The following SH3PXD2A variants were observed in gnomAD, a reference collection of about 807,000 sequenced individuals.
SH3PXD2A encodes SH3 and PX domain-containing protein 2A.
Under a neutral mutation model 115.2 loss-of-function variants are expected in SH3PXD2A, and 32 were observed. That is an observed-to-expected ratio of 0.28 (90% CI 0.21 to 0.37). SH3PXD2A has a LOEUF of 0.37. Among genes scored for constraint, SH3PXD2A ranks in the 10% least tolerant of loss-of-function variants. The pLI, the probability that SH3PXD2A is intolerant of heterozygous loss-of-function variation, is 1.00. For synonymous variants in SH3PXD2A, 610 were observed against 629.1 expected (o/e 0.97, Z 0.45); for missense variants, 1,328 against 1,498.7 (o/e 0.89, Z 1.88).
intron 1 of SH3PXD2A, among the ~76,000 whole-genome samples, chr10:103,805,938 C>G (rs114402583): frequency 0.032 from 4,922 of 152,296 alleles, 268 homozygotes; most frequent in African/African-American, 0.11. Flanking sequence ...AAAGATACAC[C>G]CCGCTGGAGA....
intron 1 of SH3PXD2A, among the ~76,000 whole-genome samples, chr10:103,846,079 C>T (rs2134324002): frequency 6.6e-6 from 1 of 152,362 alleles, no homozygotes; most frequent in East Asian, 1.9e-4. Context: ...GTCCCACCCG[C>T]CCCACTGCAT....
chr10:103,652,422 C>G (rs2037140796), intron 8 of SH3PXD2A, among the ~76,000 whole-genome samples: 1 of 152,100 alleles, frequency 6.6e-6, no homozygotes, highest in Admixed American at 6.6e-5. Context: ...ACTGGAAACC[C>G]AGAGGATGAG....
intron 1 of SH3PXD2A, among the ~76,000 whole-genome samples, chr10:103,803,849 C>T (rs956524582): frequency 7.9e-5 from 12 of 152,176 alleles, no homozygotes; most frequent in African/African-American, 2.7e-4. Flanking sequence ...TGGGGTACAG[C>T]CTGCGTTATA....
At chr10:103,766,958 T>C (rs1351701574) in intron 3 of SH3PXD2A, 136 bp downstream of exon 3, 1 of 647,410 alleles carries the variant, frequency 1.5e-6, no homozygotes, top group Non-Finnish European at 2.7e-6. Flanking sequence ...CCAAATCCCC[T>C]GGGGGAATTG....
chr10:103,683,954 A>G (rs1181275342), intron 6 of SH3PXD2A, among the ~76,000 whole-genome samples: 2 of 152,210 alleles, frequency 1.3e-5, no homozygotes, highest in Non-Finnish European at 1.5e-5. Flanking sequence ...GGAGCCAACA[A>G]ACTATTAAGA....
intron 2 of SH3PXD2A, among the ~76,000 whole-genome samples, chr10:103,774,855 G>A (rs1208724035): frequency 6.6e-6 from 1 of 152,186 alleles, no homozygotes; most frequent in African/African-American, 2.4e-5. Flanking sequence ...TTTGATTAGG[G>A]TGAGTTTACA....
chr10:103,672,396 C>A (rs558233509), intron 6 of SH3PXD2A, among the ~76,000 whole-genome samples: 13 of 152,358 alleles, frequency 8.5e-5, no homozygotes, highest in African/African-American at 2.6e-4. Context: ...ACGTTCTAGA[C>A]CTTCCCAGCA....
intron 14 of SH3PXD2A, among the ~76,000 whole-genome samples, chr10:103,605,019 G>A (rs1228470045): frequency 6.6e-6 from 1 of 152,218 alleles, no homozygotes. Context: ...AAGCCACTCA[G>A]AGAATTGACT....
At chr10:103,814,186 C>CA (rs1412898292) in intron 1 of SH3PXD2A, among the ~76,000 whole-genome samples, 1 of 152,092 alleles carries the variant, frequency 6.6e-6, no homozygotes, top group Non-Finnish European at 1.5e-5. Flanking sequence ...GTGGGGAAAG[C>CA]AAACAAGGAG....
intron 11 of SH3PXD2A, among the ~76,000 whole-genome samples, chr10:103,615,396 G>C (rs2036496649): frequency 1.3e-5 from 2 of 152,162 alleles, no homozygotes; most frequent in South Asian, 2.1e-4. Context: ...TCTGGGTCCA[G>C]CTCTGCTCAC....
intron 6 of SH3PXD2A, among the ~76,000 whole-genome samples, chr10:103,692,326 T>C (rs1018538391): frequency 1.4e-5 from 2 of 145,302 alleles, no homozygotes; most frequent in African/African-American, 5.0e-5. Context: ...CCTCTCTCCC[T>C]GCCTCCACCC....
chr10:103,686,131 C>G (rs1160317120), intron 6 of SH3PXD2A, among the ~76,000 whole-genome samples: 1 of 152,154 alleles, frequency 6.6e-6, no homozygotes, highest in African/African-American at 2.4e-5. Flanking sequence ...GGGCTGAGCT[C>G]ACCACTTTTC....
rs529286262 is a variant in SH3PXD2A, at chr10:103,792,095, G to T, written c.153+9187C>A. Reference sequence around the variant, plus strand: ...TCCCAGGTGGAGCGGAGCCAGCCAGGGAATCCCCAAGAGCCGATGGAAGCC... The same window carrying T: ...TCCCAGGTGGAGCGGAGCCAGCCAGTGAATCCCCAAGAGCCGATGGAAGCC... On this transcript the variant is annotated intron_variant, in intron 2 of 14. Transcript: ENST00000369774. Among the ~76,000 whole-genome samples, 23 of 152,284 alleles carry T rather than the reference G, an allele frequency of 1.5e-4. 1 individual carries two copies. The South Asian group carries it at 4.6e-3, about 30-fold the overall frequency.
intron 1 of SH3PXD2A, among the ~76,000 whole-genome samples, chr10:103,816,082 C>T (rs1371502087): frequency 6.6e-6 from 1 of 151,980 alleles, no homozygotes; most frequent in Non-Finnish European, 1.5e-5. Context: ...AAGGTACAGC[C>T]TGAGGACTAC....
chr10:103,622,492 C>A lies in SH3PXD2A; in HGVS notation c.780G>T (p.Met260Ile). The change falls in exon 10 of 15, where the codon ATG becomes ATT. Residue 260 changes from methionine to isoleucine, a missense_variant. By Grantham distance (10) the Met-to-Ile change is conservative (BLOSUM62 1). This residue lies in a region of SH3PXD2A where 509 missense variants were observed against 628.3 expected (regional missense o/e 0.81). Transcript: ENST00000369774. ...RLDRRWTLGG[M>I]VNRQHSREEK... Reference sequence around the variant, plus strand: ...CACCTCGGCTGTGCTGCCTGTTGACCATCCCGCCCAGGGTCCACCGGCGAT... The same window carrying A: ...CACCTCGGCTGTGCTGCCTGTTGACAATCCCGCCCAGGGTCCACCGGCGAT... The A allele has an allele frequency of 2.6e-6, 4 of 1,550,190 alleles. No homozygotes were observed. Among genetic ancestry groups the A allele is most frequent in the Non-Finnish European group, 3.5e-6 (4 of 1,146,808 alleles).
intron 2 of SH3PXD2A, among the ~76,000 whole-genome samples, chr10:103,783,379 G>A (rs2038950812): frequency 6.6e-6 from 1 of 152,186 alleles, no homozygotes; most frequent in Admixed American, 6.5e-5. Context: ...CAGGTGACAG[G>A]TTGATGCGGG....
intron 8 of SH3PXD2A, among the ~76,000 whole-genome samples, chr10:103,643,271 C>A (rs993909302): frequency 2.0e-5 from 3 of 152,138 alleles, no homozygotes; most frequent in Non-Finnish European, 2.9e-5. Flanking sequence ...ACCCTAGGTG[C>A]CTAAGAGACA....
chr10:103,828,186 C>A (rs140839420), intron 1 of SH3PXD2A, among the ~76,000 whole-genome samples: 2 of 152,152 alleles, frequency 1.3e-5, no homozygotes, highest in African/African-American at 4.8e-5. Flanking sequence ...AGGCAGGAAG[C>A]GAATGCTTAC....
At chr10:103,847,997 T>G (rs1414091023) in intron 1 of SH3PXD2A, among the ~76,000 whole-genome samples, 1 of 146,240 alleles carries the variant, frequency 6.8e-6, no homozygotes. Context: ...GAAGGCAACA[T>G]TAGTGTAGAT....
Sources: allele counts gnomAD v4.1 joint callset (sites outside exome capture counted in the v4.1 genomes callset), GRCh38; gene constraint gnomAD v4.1.1; regional missense constraint gnomAD v4.1.1; transcripts MANE v1.5; gene names NCBI Gene and HGNC (gene_info 2026-07-23, HGNC 2026-07-21).